The following AK8 variants were observed in gnomAD, a reference collection of about 807,000 sequenced individuals.
The protein encoded by AK8 is adenylate kinase 8, also known as ATP-AMP transphosphorylase 8.
Under a neutral mutation model 54.6 loss-of-function variants are expected in AK8, and 44 were observed. The ratio of observed to expected loss-of-function variants is 0.81; its 90% confidence interval spans 0.63 to 1.04. The LOEUF (loss-of-function observed/expected upper bound fraction) is 1.04. AK8 is among the 50% of genes least tolerant of loss of function. The probability of loss-of-function intolerance (pLI) is 0.00; values close to 1 mark genes in which losing one functional copy is unlikely to be tolerated. For missense variants in AK8, 555 were observed against 613.6 expected (o/e 0.90, Z 1.01); for synonymous variants, 239 against 245.6 (o/e 0.97, Z 0.25).
At chr9:132,838,276 T>C (rs1460386995) in intron 5 of AK8, among the ~76,000 whole-genome samples, 1 of 152,142 alleles carries the variant, frequency 6.6e-6, no homozygotes, top group Non-Finnish European at 1.5e-5. Flanking sequence ...AAACCCACCA[T>C]GTAAATTCTA....
chr9:132,824,348 CA>C (rs1243070827), intron 8 of AK8, among the ~76,000 whole-genome samples: 1 of 152,322 alleles, frequency 6.6e-6, no homozygotes, highest in Non-Finnish European at 1.5e-5. Context: ...CAAACTCAGC[CA>C]GGGGTGGCCC....
At chr9:132,866,173 G>A (rs1022946301) in intron 3 of AK8, among the ~76,000 whole-genome samples, 1 of 152,228 alleles carries the variant, frequency 6.6e-6, no homozygotes, top group African/African-American at 2.4e-5. Context: ...ATTCCAGCCT[G>A]TGTGACACAG....
At chr9:132,857,790 C>T (rs1310024930) in intron 4 of AK8, among the ~76,000 whole-genome samples, 1 of 152,238 alleles carries the variant, frequency 6.6e-6, no homozygotes, top group African/African-American at 2.4e-5. Flanking sequence ...CTGCAGCCTG[C>T]ACAGCAGGGG....
rs538469236 is a variant in AK8 at position 132,828,772 on chromosome 9, AT to A, written c.403-47del. 2.9e-4 allele frequency: 419 copies of A among 1,451,676 alleles called. 2 individuals carry two copies. The African/African-American group carries it at 4.8e-3, about 17-fold the overall frequency. 89.9% of individuals were successfully genotyped at this position (1,451,676 alleles called of 1,614,324 possible). On this transcript the variant is annotated intron_variant, in intron 5 of 12. Transcript: ENST00000298545. ...GGTGCTCATCTGTTTTGAGTTTTAG[AT>A]TTTTTGGAATTATTTTAAAAGGAAT...
chr9:132,783,566 C>A (rs1488399982), intron 11 of AK8, among the ~76,000 whole-genome samples: 4 of 136,400 alleles, frequency 2.9e-5, no homozygotes, highest in African/African-American at 2.8e-5. Context: ...AGGAAAGGGG[C>A]ATAAAAGTTA....
intron 10 of AK8, among the ~76,000 whole-genome samples, chr9:132,811,113 A>G (rs1840984575): frequency 6.6e-6 from 1 of 152,256 alleles, no homozygotes; most frequent in African/African-American, 2.4e-5. Flanking sequence ...TTAAAAATAA[A>G]TACATCTTTT....
Position 132,756,869 on chromosome 9 carries a change from G to A in AK8, c.1122-29335C>T, listed in dbSNP as rs149048593. On this transcript the variant is annotated intron_variant, in intron 11 of 12. Coordinates refer to ENST00000298545, the MANE Select transcript of AK8 (RefSeq NM_152572.3). ...CCCTACATCTATAACTCACGGACTC[G>A]TGTCTAGAGAGTTCTGCCTGGCTGA... 4.6e-5 allele frequency among the ~76,000 whole-genome samples: 7 copies of A among 152,048 alleles called. No homozygotes were observed. In the East Asian group the frequency reaches 7.7e-4, roughly 17 times the overall value.
chr9:132,754,841 C>G (rs903326468), intron 11 of AK8, among the ~76,000 whole-genome samples: 25 of 150,210 alleles, frequency 1.7e-4, no homozygotes, highest in Non-Finnish European at 3.2e-4. Context: ...CTCTTGTTGC[C>G]GAGGCTGGAG....
At chr9:132,744,296 C>T (rs554190879) in intron 11 of AK8, among the ~76,000 whole-genome samples, 13 of 151,964 alleles carry the variant, frequency 8.6e-5, no homozygotes, top group African/African-American at 3.1e-4. Context: ...TTAATTACTC[C>T]AAAATTATGT....
chr9:132,821,426 G>T (rs1388488038), intron 9 of AK8, among the ~76,000 whole-genome samples: 1 of 143,486 alleles, frequency 7.0e-6, no homozygotes, highest in Non-Finnish European at 1.6e-5. Flanking sequence ...ACAATCAAAA[G>T]AAGAAGGAAT....
intron 11 of AK8, among the ~76,000 whole-genome samples, chr9:132,737,737 C>T (rs534423599): frequency 3.3e-5 from 5 of 152,324 alleles, no homozygotes; most frequent in African/African-American, 1.2e-4. Context: ...CAATAAAGGG[C>T]ATTTACTTAA....
At chr9:132,789,024 G>A (rs1373691843) in intron 11 of AK8, among the ~76,000 whole-genome samples, 4 of 152,238 alleles carry the variant, frequency 2.6e-5, no homozygotes, top group African/African-American at 4.8e-5. Context: ...GACTGGGTGC[G>A]GTGGCTCACA....
intron 11 of AK8, among the ~76,000 whole-genome samples, chr9:132,788,165 G>A (rs542950317): frequency 1.1e-4 from 16 of 152,072 alleles, no homozygotes; most frequent in Non-Finnish European, 2.1e-4. Context: ...AAGTGAAAAA[G>A]CAAGATGATT....
intron 2 of AK8, among the ~76,000 whole-genome samples, chr9:132,869,423 G>GC (rs1446981277): frequency 6.6e-6 from 1 of 152,248 alleles, no homozygotes; most frequent in Non-Finnish European, 1.5e-5. Context: ...CAACCATGCT[G>GC]CCCTTCCACC....
At chr9:132,728,310 G>A (rs1243580095) in intron 11 of AK8, among the ~76,000 whole-genome samples, 1 of 152,192 alleles carries the variant, frequency 6.6e-6, no homozygotes, top group East Asian at 1.9e-4. Context: ...ATCACTCCTG[G>A]GGTTGGGACT....
chr9:132,730,644 G>A (rs77773705), intron 11 of AK8, among the ~76,000 whole-genome samples: 112,732 of 151,536 alleles, frequency 0.74, 42,774 homozygotes, highest in East Asian at 0.85. Flanking sequence ...GGAGCCCAGT[G>A]TGGCCCTGGT....
intron 10 of AK8, among the ~76,000 whole-genome samples, 186 bp downstream of exon 10, chr9:132,814,452 C>T (rs967414830): frequency 3.3e-5 from 5 of 152,202 alleles, no homozygotes; most frequent in South Asian, 2.1e-4. Context: ...CACTGGGGAT[C>T]GGGCTCAGAC....
At chr9:132,874,022 C>CA (rs1843975253) in intron 2 of AK8, among the ~76,000 whole-genome samples, 1 of 152,126 alleles carries the variant, frequency 6.6e-6, no homozygotes, top group South Asian at 2.1e-4. Flanking sequence ...AAGGGGGTCC[C>CA]AAGGCCACCC....
chr9:132,787,999 C>A (rs1161889612), intron 11 of AK8, among the ~76,000 whole-genome samples: 5 of 151,670 alleles, frequency 3.3e-5, no homozygotes, highest in Non-Finnish European at 5.9e-5. Context: ...TAGAAAAAAA[C>A]CAGTCCAAAC....
Sources: allele counts gnomAD v4.1 joint callset (sites outside exome capture counted in the v4.1 genomes callset), GRCh38; gene constraint gnomAD v4.1.1; transcripts MANE v1.5; gene names NCBI Gene and HGNC (gene_info 2026-07-23, HGNC 2026-07-21).